Variants in ATP8B2 observed in about 807,000 individuals in gnomAD.
ATP8B2 encodes ATPase phospholipid transporting 8B2.
Under a neutral mutation model 133.4 loss-of-function variants are expected in ATP8B2, and 70 were observed. That is an observed-to-expected ratio of 0.52 (90% CI 0.43 to 0.64). The LOEUF is 0.64. Ranked by LOEUF, ATP8B2 falls within the 30% of genes least tolerant of loss-of-function variation. ATP8B2 has a pLI of 0.00. For missense variants in ATP8B2, 1,101 were observed against 1,535.7 expected (o/e 0.72, Z 4.73); for synonymous variants, 517 against 589.5 (o/e 0.88, Z 1.78).
rs762985603 is a variant in ATP8B2, at chr1:154,344,194, A to G, written c.1975A>G (p.Thr659Ala). ...EDKLQQGVPETIALLTLANIK... is the reference protein window; with the variant it reads ...EDKLQQGVPEAIALLTLANIK... ...CAAACTTCAGCAAGGGGTTCCAGAG[A>G]CCATTGCCCTCCTGACACTGGCCAA... Residue 659 changes from threonine to alanine, a missense_variant, in exon 19 of 28, where the codon ACC (threonine) becomes GCC (alanine). Coordinates refer to ENST00000368489, the MANE Select transcript of ATP8B2 (RefSeq NM_001370597.1). This position sits in a 1 kb window ranked among gnomAD's most constrained non-coding sequence, Gnocchi z 4.1. The G allele has an allele frequency of 1.2e-6, 2 of 1,614,152 alleles. No individual in the cohort carries two copies. The highest frequency in any genetic ancestry group is 1.7e-6 in the Non-Finnish European group (2 of 1,180,026).
chr1:154,344,590 TC>T lies in ATP8B2; in HGVS notation c.2142-47del. On this transcript the variant is annotated intron_variant, in intron 20 of 27. Coordinates refer to ENST00000368489, the MANE Select transcript of ATP8B2 (RefSeq NM_001370597.1). The surrounding 1 kb of genome is among the most constrained non-coding windows in gnomAD (Gnocchi z 4.1). The stretch of plus-strand genomic sequence containing the variant: ...GGACCATTTAGACTTGAATCCCTGC[TC>T]CCCACTGCCGTTCTGGAAGACCACA... 1 of 1,607,848 alleles carries T rather than the reference TC, an allele frequency of 6.2e-7. No individual in the cohort carries two copies. The highest frequency in any genetic ancestry group is 8.5e-7 in the Non-Finnish European group (1 of 1,174,982).
At chr1:154,347,978 G>A (rs187020683) in intron 26 of ATP8B2, among the ~76,000 whole-genome samples, 35 of 151,046 alleles carry the variant, frequency 2.3e-4, no homozygotes, top group Admixed American at 1.5e-3. Context: ...GATTGAATGT[G>A]GGGTCCAAAG....
At position 154,343,331 on chromosome 1, in the gene ATP8B2, T is replaced by G; in HGVS notation, c.1642+30T>G. On this transcript the variant is annotated intron_variant, in intron 16 of 27. Coordinates refer to ENST00000368489, the MANE Select transcript of ATP8B2 (RefSeq NM_001370597.1). This position sits in a 1 kb window ranked among gnomAD's most constrained non-coding sequence, Gnocchi z 5.8. ...GGCCAGGCCTGGGGTGCTGGGGCGTTTGGGGACAGCATTCAGGCCTGGAAT... is the reference window on the plus strand; with the variant it reads ...GGCCAGGCCTGGGGTGCTGGGGCGTGTGGGGACAGCATTCAGGCCTGGAAT... 6.2e-7 allele frequency: 1 copy of G among 1,611,546 alleles called. No homozygotes were observed. Among genetic ancestry groups the G allele is most frequent in the East Asian group, 2.2e-5 (1 of 44,820 alleles).
chr1:154,338,985 A>G (rs1047621753), intron 12 of ATP8B2, among the ~76,000 whole-genome samples: 64 of 152,350 alleles, frequency 4.2e-4, no homozygotes, highest in African/African-American at 1.5e-3. Flanking sequence ...AAGACGAGGC[A>G]GGAGGAATGG....
At chr1:154,341,932 C>T (rs749966) in intron 13 of ATP8B2, 20,639 of 156,516 alleles carry the variant, frequency 0.13, 1,431 homozygotes, top group Non-Finnish European at 0.14. Context: ...CCTGGCCAGG[C>T]GGAACCCTGC....
intron 27 of ATP8B2, 87 bp downstream of exon 27, chr1:154,348,625 A>G: frequency 1.9e-6 from 3 of 1,547,404 alleles, no homozygotes; most frequent in Non-Finnish European, 2.6e-6. Context: ...CTGTGGGGCC[A>G]TGTGGCTGTT....
rs1686342739 is a variant in ATP8B2 at position 154,340,487 on chromosome 1, C to T, written c.1035-367C>T. The T allele has an allele frequency of 4.4e-6, 1 of 228,628 alleles. No homozygotes were observed. Among genetic ancestry groups the T allele is most frequent in the Admixed American group, 5.3e-5 (1 of 19,034 alleles). 14.2% of individuals were successfully genotyped at this position (228,628 alleles called of 1,614,324 possible). A position where few individuals can be genotyped will look rare whatever the true frequency, so the allele number is the denominator to read the frequency against. On this transcript the variant is annotated intron_variant, in intron 12 of 27. Coordinates refer to ENST00000368489, the MANE Select transcript of ATP8B2 (RefSeq NM_001370597.1). The surrounding 1 kb of genome is among the most constrained non-coding windows in gnomAD (Gnocchi z 4.0). ...TTTCTCTCTCTCTTTTCTCTCCCCT[C>T]CCTCTGGCACTTTCTCTTGTTTTTC...
At chr1:154,326,685 A>G (rs1053791329) in intron 1 of ATP8B2, among the ~76,000 whole-genome samples, 3 of 151,860 alleles carry the variant, frequency 2.0e-5, no homozygotes, top group Admixed American at 6.6e-5. Context: ...CCATATCCAG[A>G]CTCCTGACTC....
At position 154,334,228 on chromosome 1, in the gene ATP8B2, A is replaced by C; in HGVS notation, c.711A>C (p.Arg237=). ...QNMLLRGCVL[R]NTEWCFGLVI... ...TGCTGCTGCGGGGCTGTGTGCTGCG[A>C]AACACCGAGTGGTGCTTCGGGCTGG... The change falls in exon 10 of 28, where the codon CGA becomes CGC. Residue 237 remains arginine, a synonymous_variant. Transcript: ENST00000368489. This position sits in a 1 kb window ranked among gnomAD's most constrained non-coding sequence, Gnocchi z 4.6. The C allele has an allele frequency of 6.2e-7, 1 of 1,614,200 alleles. No homozygotes were observed. The highest frequency in any genetic ancestry group is 8.5e-7 in the Non-Finnish European group (1 of 1,180,040).
intron 11 of ATP8B2, 132 bp from the exon 12 acceptor site, chr1:154,337,216 C>A (rs372393026): frequency 3.0e-6 from 3 of 1,006,064 alleles, no homozygotes; most frequent in South Asian, 1.7e-5. Flanking sequence ...GGCCCAGAGA[C>A]CATGGGTTGG....
In ATP8B2 at chr1:154,328,220, G is replaced by A. The variant is rs769720108; in HGVS notation, c.31+48G>A. 3 of 1,567,458 alleles carry A rather than the reference G, an allele frequency of 1.9e-6. No individual in the cohort carries two copies. The highest frequency in any genetic ancestry group is 1.7e-5 in the Admixed American group (1 of 59,938). ...ATCCCGGGAACCATCAAGAGTGGGT[G>A]TTGTTATGGCTCAGGGAGCAAAAGG... is the stretch of plus-strand genomic sequence containing the variant. On this transcript the variant is annotated intron_variant, in intron 2 of 27. Transcript: ENST00000368489. The surrounding 1 kb of genome is among the most constrained non-coding windows in gnomAD (Gnocchi z 4.6).
In ATP8B2 at chr1:154,342,667, C is replaced by T. The variant is rs959999014; in HGVS notation, c.1288-129C>T. 25 of 1,441,762 alleles carry T rather than the reference C, an allele frequency of 1.7e-5. No individual in the cohort carries two copies. The Admixed American group carries it at 1.8e-4, about 10-fold the overall frequency. The allele number at this position is 1,441,762 out of a possible 1,614,324, so 89.3% of individuals were successfully genotyped here. A position where few individuals can be genotyped will look rare whatever the true frequency, so the allele number is the denominator to read the frequency against. On this transcript the variant is annotated intron_variant, in intron 14 of 27. Coordinates refer to ENST00000368489, the MANE Select transcript of ATP8B2 (RefSeq NM_001370597.1). ...TGTTTTAAGGCAGAACTGGTGATGA[C>T]GGAAGTGGAAATTTTGAGGTCCACC...
chr1:154,346,611 T>C lies in ATP8B2; in HGVS notation c.3025-9T>C. ...CGTGCGCCTGCCTGACTATGCCTAC[T>C]TTCTGCAGATTGGGCTCGACACAGG... On this transcript the variant is annotated splice_polypyrimidine_tract_variant and intron_variant, in intron 25 of 27. Transcript: ENST00000368489. The surrounding 1 kb of genome is among the most constrained non-coding windows in gnomAD (Gnocchi z 4.5). The C allele has an allele frequency of 6.2e-7, 1 of 1,614,212 alleles. No individual in the cohort carries two copies. Among genetic ancestry groups the C allele is most frequent in the Non-Finnish European group, 8.5e-7 (1 of 1,180,016 alleles).
At chr1:154,339,574 TCAGTTCA>T (rs1368441097) in intron 12 of ATP8B2, among the ~76,000 whole-genome samples, 1 of 152,226 alleles carries the variant, frequency 6.6e-6, no homozygotes, top group Non-Finnish European at 1.5e-5. Flanking sequence ...GTTTTGTATC[TCAGTTCA>T]CTTGAAGCCC....
Position 154,344,575 on chromosome 1 carries a change from G to T in ATP8B2, c.2142-66G>T. The T allele has an allele frequency of 1.9e-6, 3 of 1,609,980 alleles. No homozygotes were observed. The highest frequency in any genetic ancestry group is 2.5e-6 in the Non-Finnish European group (3 of 1,176,710). On this transcript the variant is annotated intron_variant, in intron 20 of 27. Coordinates refer to ENST00000368489, the MANE Select transcript of ATP8B2 (RefSeq NM_001370597.1). The surrounding 1 kb of genome is among the most constrained non-coding windows in gnomAD (Gnocchi z 4.1). Reference sequence around the variant, plus strand: ...CAGGTGGGGGTTTCTGGACCATTTAGACTTGAATCCCTGCTCCCCACTGCC... The same window carrying T: ...CAGGTGGGGGTTTCTGGACCATTTATACTTGAATCCCTGCTCCCCACTGCC...
rs1421670148 is a variant in ATP8B2, at chr1:154,349,501, G to A, written c.*383G>A. On this transcript the variant is annotated 3_prime_UTR_variant, in exon 28 of 28. Coordinates refer to ENST00000368489, the MANE Select transcript of ATP8B2 (RefSeq NM_001370597.1). ...ACTCCTACTCCCCAGAGGGGCCCTA[G>A]TGCCTCTGTTCCTGAATTACATAAG... 4.5e-6 allele frequency: 1 copy of A among 220,254 alleles called. No homozygotes were observed. The highest frequency in any genetic ancestry group is 2.2e-5 in the African/African-American group (1 of 44,964). The allele number at this position is 220,254 out of a possible 1,614,324, so 13.6% of individuals were successfully genotyped here.
Position 154,343,968 on chromosome 1 carries a change from G to T in ATP8B2, c.1834G>T (p.Ala612Ser). The change falls in exon 18 of 28, where the codon GCT (alanine) becomes TCT (serine). Residue 612 changes from alanine (A) to serine (S), a missense_variant. Transcript: ENST00000368489. This position sits in a 1 kb window ranked among gnomAD's most constrained non-coding sequence, Gnocchi z 5.8. ...DLDEEYYEEW[A>S]ERRLQASLAQ... ...GGATGAAGAGTACTACGAGGAGTGG[G>T]CTGAGCGACGCCTCCAGGCCAGCCT... 1 of 1,614,048 alleles carries T rather than the reference G, an allele frequency of 6.2e-7. No homozygotes were observed. The highest frequency in any genetic ancestry group is 8.5e-7 in the Non-Finnish European group (1 of 1,179,956).
chr1:154,348,505 C>T lies in ATP8B2; in HGVS notation c.3261C>T (p.Leu1087=). 3.1e-6 allele frequency: 5 copies of T among 1,614,160 alleles called. No individual in the cohort carries two copies. Among genetic ancestry groups the T allele is most frequent in the Non-Finnish European group, 4.2e-6 (5 of 1,180,008 alleles). The change falls in exon 27 of 28, where the codon CTC becomes CTT. Residue 1087 remains leucine (L), a synonymous_variant. Coordinates refer to ENST00000368489, the MANE Select transcript of ATP8B2 (RefSeq NM_001370597.1). ...CIMPVVAFRF[L]RLNLKPDLSD... ...TGCCCGTGGTTGCCTTCCGATTCCT[C>T]AGGCTCAACCTGAAGCCGGATCTCT...
At chr1:154,336,422 A>G (rs563157633) in intron 11 of ATP8B2, among the ~76,000 whole-genome samples, 4 of 151,356 alleles carry the variant, frequency 2.6e-5, no homozygotes, top group Non-Finnish European at 4.4e-5. Flanking sequence ...CATAAAATAC[A>G]CTAACATTAA....
Sources: allele counts gnomAD v4.1 joint callset (sites outside exome capture counted in the v4.1 genomes callset), GRCh38; gene constraint gnomAD v4.1.1; non-coding constraint Gnocchi (gnomAD v3.1); transcripts MANE v1.5; gene names NCBI Gene and HGNC (gene_info 2026-07-23, HGNC 2026-07-21).